The following CSMD3 variants were observed in gnomAD, a reference collection of about 807,000 sequenced individuals.
CSMD3 encodes CUB and Sushi multiple domains 3, also known as CUB and sushi domain-containing protein 3.
In CSMD3, 177 loss-of-function variants were observed where a neutral mutation model predicts 435.2. The ratio of observed to expected loss-of-function variants is 0.41; its 90% confidence interval spans 0.36 to 0.46. CSMD3 has a LOEUF of 0.46. CSMD3 is among the 20% of genes least tolerant of loss of function. CSMD3 has a pLI of 0.34. For missense variants in CSMD3, 4,265 were observed against 4,504.6 expected (o/e 0.95, Z 1.52); for synonymous variants, 1,656 against 1,520.5 (o/e 1.09, Z -2.07).
chr8:112,778,245 T>C (rs1176742007), intron 13 of CSMD3, among the ~76,000 whole-genome samples: 3 of 151,904 alleles, frequency 2.0e-5, no homozygotes, highest in Non-Finnish European at 4.4e-5. Context: ...GTAGTTCACA[T>C]TAGAATTCAG....
chr8:112,848,508 A>G (rs1489137991), intron 11 of CSMD3, among the ~76,000 whole-genome samples: 2 of 152,140 alleles, frequency 1.3e-5, no homozygotes, highest in Non-Finnish European at 2.9e-5. Flanking sequence ...AATACTCAAC[A>G]TATCTCAATA....
intron 10 of CSMD3, among the ~76,000 whole-genome samples, chr8:112,865,133 G>T (rs1045275809): frequency 6.6e-6 from 1 of 152,154 alleles, no homozygotes; most frequent in Non-Finnish European, 1.5e-5. Context: ...AACACATACA[G>T]TTAACCATGC....
intron 16 of CSMD3, among the ~76,000 whole-genome samples, chr8:112,672,149 G>A (rs1421044807): frequency 6.6e-6 from 1 of 152,022 alleles, no homozygotes; most frequent in East Asian, 1.9e-4. Flanking sequence ...TACTGTCCCA[G>A]GGGCATTAGG....
rs2130578308 is a variant in CSMD3, at chr8:112,281,229, T to G, written c.9453A>C (p.Ser3151=). 1 of 1,613,496 alleles carries G rather than the reference T, an allele frequency of 6.2e-7. No individual in the cohort carries two copies. Among genetic ancestry groups the G allele is most frequent in the South Asian group, 1.1e-5 (1 of 91,082 alleles). The change falls in exon 59 of 71, where the codon TCA becomes TCC. Residue 3151 remains serine, a synonymous_variant. Transcript: ENST00000297405. ...TTCCATTGGCTGTGCACTGTCTAAC[T>G]GAAGGTCCAGAAAGGATGTATCCCT... ...CMEGYILSGP[S]VRQCTANGTW...
intron 53 of CSMD3, among the ~76,000 whole-genome samples, chr8:112,296,251 T>C (rs552395030): frequency 1.3e-5 from 2 of 152,146 alleles, no homozygotes; most frequent in African/African-American, 4.8e-5. Flanking sequence ...AATATCTCAA[T>C]GTGTAAAAAT....
intron 13 of CSMD3, among the ~76,000 whole-genome samples, chr8:112,722,024 C>T (rs910177713): frequency 7.3e-5 from 11 of 151,462 alleles, no homozygotes; most frequent in South Asian, 2.1e-4. Context: ...AATTTGGGGA[C>T]GTAACTTCAC....
intron 29 of CSMD3, among the ~76,000 whole-genome samples, chr8:112,505,486 G>A (rs544050523): frequency 6.6e-6 from 1 of 152,062 alleles, no homozygotes; most frequent in Non-Finnish European, 1.5e-5. Context: ...CTAGAAACAA[G>A]AGCTTTGTAA....
intron 32 of CSMD3, among the ~76,000 whole-genome samples, chr8:112,451,528 T>A (rs1356714643): frequency 6.6e-6 from 1 of 152,140 alleles, no homozygotes; most frequent in African/African-American, 2.4e-5. Context: ...CAATTATAAG[T>A]ACAAATAATC....
chr8:113,296,037 T>C (rs2132554653), intron 2 of CSMD3, among the ~76,000 whole-genome samples: 1 of 151,730 alleles, frequency 6.6e-6, no homozygotes, highest in Non-Finnish European at 1.5e-5. Context: ...CTCAGCAAAC[T>C]ATCGCAAGGA....
At chr8:112,256,024 T>C (rs376192179) in intron 61 of CSMD3, 1 of 152,416 alleles carries the variant, frequency 6.6e-6, no homozygotes, top group Admixed American at 6.5e-5. Flanking sequence ...TACGCAAAAC[T>C]ATGGAATGTC....
chr8:112,401,845 AGCCTTTTCCAAAAT>A (rs1423348321), intron 35 of CSMD3, among the ~76,000 whole-genome samples: 6 of 152,234 alleles, frequency 3.9e-5, no homozygotes, highest in Non-Finnish European at 8.8e-5. Flanking sequence ...CAATGCTTTC[AGCCTTTTCCAAAAT>A]GCAAAAATCT....
chr8:113,290,819 T>A (rs2093681254), intron 2 of CSMD3, among the ~76,000 whole-genome samples: 2 of 151,556 alleles, frequency 1.3e-5, no homozygotes, highest in South Asian at 4.1e-4. Flanking sequence ...TCAATTATTA[T>A]ACTATTTTAA....
At chr8:112,771,366 C>A (rs2078109449) in intron 13 of CSMD3, among the ~76,000 whole-genome samples, 1 of 151,906 alleles carries the variant, frequency 6.6e-6, no homozygotes, top group South Asian at 2.1e-4. Flanking sequence ...TGGCAAAACT[C>A]TATCTCTACT....
intron 13 of CSMD3, among the ~76,000 whole-genome samples, chr8:112,699,553 T>A (rs1272227422): frequency 6.6e-6 from 1 of 152,206 alleles, no homozygotes; most frequent in African/African-American, 2.4e-5. Context: ...AGATATTACC[T>A]CTCTGTGAAA....
intron 23 of CSMD3, among the ~76,000 whole-genome samples, chr8:112,577,417 C>T (rs1003048857): frequency 2.6e-5 from 4 of 151,800 alleles, no homozygotes; most frequent in African/African-American, 9.7e-5. Flanking sequence ...TGACTAGAGC[C>T]GTAGGACTTT....
At chr8:112,372,867 GATAA>G (rs555348272) in intron 38 of CSMD3, among the ~76,000 whole-genome samples, 4 of 150,282 alleles carry the variant, frequency 2.7e-5, no homozygotes, top group African/African-American at 9.8e-5. Context: ...GAAAAAAAAA[GATAA>G]ATAAATAAAT....
chr8:113,432,123 A>C (rs1254980576), intron 1 of CSMD3, among the ~76,000 whole-genome samples: 1 of 152,098 alleles, frequency 6.6e-6, no homozygotes. Context: ...TCTTCCAATG[A>C]GGGCGTGATG....
intron 1 of CSMD3, among the ~76,000 whole-genome samples, chr8:113,411,002 AAG>A (rs1161666620): frequency 6.6e-6 from 1 of 151,678 alleles, no homozygotes; most frequent in Non-Finnish European, 1.5e-5. Flanking sequence ...GAAAGAAAGA[AAG>A]AAAAGAAAGA....
At chr8:113,302,284 TATATA>T (rs1020568226) in intron 2 of CSMD3, among the ~76,000 whole-genome samples, 1 of 9,244 alleles carries the variant, frequency 1.1e-4, no homozygotes, top group Non-Finnish European at 1.4e-4. Flanking sequence ...ATAATTATAA[TATATA>T]ATATAATATA....
Sources: allele counts gnomAD v4.1 joint callset (sites outside exome capture counted in the v4.1 genomes callset), GRCh38; gene constraint gnomAD v4.1.1; transcripts MANE v1.5; gene names NCBI Gene and HGNC (gene_info 2026-07-23, HGNC 2026-07-21).